DDX10: variants seen among roughly 807,000 people sequenced by gnomAD.
DDX10 encodes probable ATP-dependent RNA helicase DDX10.
Under a neutral mutation model 104.3 loss-of-function variants are expected in DDX10, and 74 were observed. The ratio of observed to expected loss-of-function variants is 0.71; its 90% CI spans 0.59 to 0.86. DDX10 has a LOEUF of 0.86. DDX10 is among the 40% of genes least tolerant of loss of function. The pLI, the probability that DDX10 is intolerant of heterozygous loss-of-function variation, is 0.00. For missense variants in DDX10, 952 were observed against 1,040.0 expected, an observed-to-expected ratio of 0.92 and a Z score of 1.16; for synonymous variants, 351 against 353.4, an observed-to-expected ratio of 0.99 and a Z score of 0.08.
At chr11:108,719,104 G>GTTTTTT (rs36015980) in intron 11 of DDX10, among the ~76,000 whole-genome samples, 3 of 129,522 alleles carry the variant, frequency 2.3e-5, no homozygotes, top group South Asian at 2.5e-4. Flanking sequence ...TATGAAGATA[G>GTTTTTT]TTTTTTTTTT....
At chr11:108,708,210 TAA>T (rs10602059) in intron 10 of DDX10, among the ~76,000 whole-genome samples, 66 of 127,100 alleles carry the variant, frequency 5.2e-4, no homozygotes, top group African/African-American at 7.5e-4. Context: ...TTTACTGAGT[TAA>T]AAAAAAAAAA....
At chr11:108,876,529 A>G (rs1306395000) in intron 16 of DDX10, among the ~76,000 whole-genome samples, 2 of 152,180 alleles carry the variant, frequency 1.3e-5, no homozygotes, top group Non-Finnish European at 2.9e-5. Context: ...TTAGGAAGGG[A>G]AACATTGACT....
At chr11:108,907,438 T>G (rs1419473583) in intron 16 of DDX10, among the ~76,000 whole-genome samples, 1 of 151,660 alleles carries the variant, frequency 6.6e-6, no homozygotes, top group Non-Finnish European at 1.5e-5. Flanking sequence ...CAGGATCAAG[T>G]GATTCTCCTG....
chr11:108,874,997 G>T (rs1228166159), intron 16 of DDX10, among the ~76,000 whole-genome samples: 2 of 152,076 alleles, frequency 1.3e-5, no homozygotes, highest in Non-Finnish European at 2.9e-5. Flanking sequence ...CTATTTCATA[G>T]CACTGTTTGG....
At chr11:108,940,143 C>A in intron 17 of DDX10, 103 bp from the exon 18 acceptor site, 2 of 1,258,190 alleles carry the variant, frequency 1.6e-6, no homozygotes, top group Non-Finnish European at 2.2e-6. Flanking sequence ...TTCCTTCATT[C>A]TTGAATAATA....
chr11:108,929,693 A>C (rs1863952274), intron 17 of DDX10: 1 of 152,208 alleles, frequency 6.6e-6, no homozygotes, highest in Non-Finnish European at 1.5e-5. Flanking sequence ...GAGTACTCTA[A>C]ATGAGGATGG....
intron 13 of DDX10, among the ~76,000 whole-genome samples, chr11:108,816,240 C>T (rs80204321): frequency 0.022 from 3,420 of 152,244 alleles, 124 homozygotes; most frequent in African/African-American, 0.078. Flanking sequence ...TACGTATGCT[C>T]CCTAGGCAAA....
intron 10 of DDX10, among the ~76,000 whole-genome samples, chr11:108,712,838 A>G (rs937926682): frequency 6.6e-6 from 1 of 151,882 alleles, no homozygotes; most frequent in Non-Finnish European, 1.5e-5. Context: ...ACTTTTAAAC[A>G]TATTTTGCAA....
At chr11:108,748,956 G>A (rs1024199942) in intron 13 of DDX10, among the ~76,000 whole-genome samples, 1 of 151,672 alleles carries the variant, frequency 6.6e-6, no homozygotes, top group Non-Finnish European at 1.5e-5. Flanking sequence ...GAGCCACCAC[G>A]CCTGGCCTAA....
intron 1 of DDX10, among the ~76,000 whole-genome samples, chr11:108,670,450 C>CA (rs2094215524): frequency 2.0e-5 from 3 of 152,080 alleles, no homozygotes; most frequent in African/African-American, 7.2e-5. Context: ...GTCACTGATC[C>CA]AAAATTGTCC....
intron 13 of DDX10, among the ~76,000 whole-genome samples, chr11:108,805,346 A>T (rs994242591): frequency 6.6e-6 from 1 of 152,268 alleles, no homozygotes; most frequent in African/African-American, 2.4e-5. Context: ...CTTCACCACT[A>T]TTCATTAAGA....
chr11:108,780,465 G>T (rs1437430393), intron 13 of DDX10, among the ~76,000 whole-genome samples: 2 of 152,182 alleles, frequency 1.3e-5, no homozygotes, highest in African/African-American at 2.4e-5. Flanking sequence ...TAGTCTGTCT[G>T]TTTAGGCCAG....
chr11:108,808,535 T>A (rs1190130459), intron 13 of DDX10, among the ~76,000 whole-genome samples: 1 of 152,122 alleles, frequency 6.6e-6, no homozygotes, highest in Non-Finnish European at 1.5e-5. Flanking sequence ...GAAATAGGGG[T>A]GAAATTTCCT....
At chr11:108,700,502 T>G (rs1015410038) in intron 9 of DDX10, among the ~76,000 whole-genome samples, 1 of 152,216 alleles carries the variant, frequency 6.6e-6, no homozygotes, top group Non-Finnish European at 1.5e-5. Flanking sequence ...ATGCAGGGCT[T>G]CTAGAATGCA....
At chr11:108,688,338 T>C (rs1362345264) in intron 6 of DDX10, among the ~76,000 whole-genome samples, 3 of 152,222 alleles carry the variant, frequency 2.0e-5, no homozygotes, top group African/African-American at 7.2e-5. Flanking sequence ...AAATACCTTA[T>C]ACCAAACACC....
chr11:108,721,019 T>C (rs1438571176), intron 12 of DDX10, among the ~76,000 whole-genome samples: 2 of 151,862 alleles, frequency 1.3e-5, no homozygotes, highest in Non-Finnish European at 2.9e-5. Context: ...GAGATAATCA[T>C]ACTTTGAATA....
At position 108,940,235 on chromosome 11, in the gene DDX10, C is replaced by T. The variant is rs1384815327; in HGVS notation, c.2451-11C>T. Reference sequence around the variant, plus strand: ...GAGTCTAAAGTAAATCTTTGGATTTCTTCTCACCAGTGATACCAAGAAGAA... The same window carrying T: ...GAGTCTAAAGTAAATCTTTGGATTTTTTCTCACCAGTGATACCAAGAAGAA... On this transcript the variant is annotated splice_polypyrimidine_tract_variant and intron_variant, in intron 17 of 17. Coordinates refer to ENST00000322536, the MANE Select transcript of DDX10 (RefSeq NM_004398.4). The T allele has an allele frequency of 2.5e-5, 41 of 1,612,342 alleles. No individual in the cohort carries two copies. The highest frequency in any genetic ancestry group is 3.5e-5 in the Non-Finnish European group (41 of 1,179,464).
intron 13 of DDX10, among the ~76,000 whole-genome samples, chr11:108,740,522 G>T (rs2094323884): frequency 6.6e-6 from 1 of 152,112 alleles, no homozygotes; most frequent in Admixed American, 6.5e-5. Context: ...TTGCTGGGTT[G>T]AATGGTAATT....
intron 16 of DDX10, among the ~76,000 whole-genome samples, chr11:108,891,227 A>C (rs1383116168): frequency 6.6e-6 from 1 of 152,168 alleles, no homozygotes; most frequent in Non-Finnish European, 1.5e-5. Flanking sequence ...GAATTTTTAC[A>C]TTTTTAAAAA....
Sources: allele counts gnomAD v4.1 joint callset (sites outside exome capture counted in the v4.1 genomes callset), GRCh38; gene constraint gnomAD v4.1.1; transcripts MANE v1.5; gene names NCBI Gene and HGNC (gene_info 2026-07-23, HGNC 2026-07-21).